SNX29: variants seen among roughly 807,000 people sequenced by gnomAD.
The protein encoded by SNX29 is sorting nexin 29.
A neutral mutation model predicts 102.1 loss-of-function variants in SNX29; 78 were observed. That is an observed-to-expected ratio of 0.76 (90% CI 0.64 to 0.92). The LOEUF is 0.92. Ranked by LOEUF, SNX29 falls within the 40% of genes least tolerant of loss-of-function variation. The pLI is 0.00. For synonymous variants in SNX29, 580 were observed against 414.5 expected, an observed-to-expected ratio of 1.40 and a Z score of -4.85; for missense variants, 1,280 against 1,061.7, an observed-to-expected ratio of 1.21 and a Z score of -2.86.
intron 20 of SNX29, among the ~76,000 whole-genome samples, chr16:12,564,480 C>CGGAGA (rs1567213803): frequency 3.9e-5 from 6 of 152,298 alleles, no homozygotes; most frequent in African/African-American, 1.4e-4. Flanking sequence ...GATCTTTCTC[C>CGGAGA]AAGGTCTAGA....
chr16:12,547,796 G>A (rs1006174426), intron 20 of SNX29, among the ~76,000 whole-genome samples: 2 of 152,160 alleles, frequency 1.3e-5, no homozygotes, highest in African/African-American at 4.8e-5. Context: ...GAACAGAATG[G>A]GCTCAAGAAT....
At chr16:12,229,560 A>G (rs1596566338) in intron 14 of SNX29, among the ~76,000 whole-genome samples, 1 of 148,986 alleles carries the variant, frequency 6.7e-6, no homozygotes. Flanking sequence ...TCTTCCTACC[A>G]TTTTTCATCT....
At chr16:12,411,385 G>A (rs958301629) in intron 18 of SNX29, among the ~76,000 whole-genome samples, 1 of 152,172 alleles carries the variant, frequency 6.6e-6, no homozygotes, top group Non-Finnish European at 1.5e-5. Context: ...CCGGCGTTCT[G>A]AGGATCATAG....
At chr16:12,556,886 T>A (rs1246297090) in intron 20 of SNX29, among the ~76,000 whole-genome samples, 25 of 148,748 alleles carry the variant, frequency 1.7e-4, no homozygotes, top group African/African-American at 6.0e-4. Flanking sequence ...AGGGTCTCCG[T>A]CTGTCTCCTC....
intron 14 of SNX29, among the ~76,000 whole-genome samples, chr16:12,233,322 CA>C (rs1428486895): frequency 6.6e-6 from 1 of 152,132 alleles, no homozygotes; most frequent in Non-Finnish European, 1.5e-5. Context: ...TTATCCTAAG[CA>C]AATTAGTGCC....
chr16:12,348,244 G>A (rs777792617), intron 15 of SNX29, among the ~76,000 whole-genome samples: 10 of 152,170 alleles, frequency 6.6e-5, no homozygotes, highest in Non-Finnish European at 1.5e-4. Flanking sequence ...CTCCTGGAAT[G>A]TCTTCATGCT....
rs1211614472 is a variant in SNX29 at position 12,403,436 on chromosome 16, C to T, written c.1956-12C>T. The stretch of plus-strand genomic sequence containing the variant: ...TGTCTAATGTTGGTCTCTCTCTCTT[C>T]CTTTTGGTTAGATCAAACCGGGCGC... On this transcript the variant is annotated splice_polypyrimidine_tract_variant and intron_variant, in intron 17 of 20. Transcript: ENST00000566228. 3 of 1,599,130 alleles carry T rather than the reference C, an allele frequency of 1.9e-6. No homozygotes were observed. The highest frequency in any genetic ancestry group is 4.5e-5 in the East Asian group (2 of 44,498).
At chr16:12,049,052 C>T (rs2050201566) in intron 7 of SNX29, among the ~76,000 whole-genome samples, 1 of 152,090 alleles carries the variant, frequency 6.6e-6, no homozygotes, top group Non-Finnish European at 1.5e-5. Context: ...ATTTATGATC[C>T]TTAGGATAAA....
intron 18 of SNX29, among the ~76,000 whole-genome samples, chr16:12,473,090 G>T (rs1419162917): frequency 2.0e-5 from 3 of 152,084 alleles, no homozygotes; most frequent in African/African-American, 7.2e-5. Flanking sequence ...AATTTGGAGG[G>T]GAGAGGCTTT....
chr16:12,571,814 C>G lies in SNX29; in HGVS notation c.*3185C>G. Reference sequence around the variant, plus strand: ...TCCTGCAATCAGTGTGAAATTCCAGCTTCTTTGATTCCCACTTAGCAGTAT... The same window carrying G: ...TCCTGCAATCAGTGTGAAATTCCAGGTTCTTTGATTCCCACTTAGCAGTAT... On this transcript the variant is annotated 3_prime_UTR_variant, in exon 21 of 21. Coordinates refer to ENST00000566228, the MANE Select transcript of SNX29 (RefSeq NM_032167.5). The G allele has an allele frequency of 9.7e-7, 1 of 1,031,946 alleles. No individual in the cohort carries two copies. Among genetic ancestry groups the G allele is most frequent in the Non-Finnish European group, 1.2e-6 (1 of 849,948 alleles). 63.9% of individuals were successfully genotyped at this position (1,031,946 alleles called of 1,614,324 possible).
chr16:12,365,645 C>T (rs2082445736), intron 16 of SNX29, among the ~76,000 whole-genome samples: 1 of 150,022 alleles, frequency 6.7e-6, no homozygotes, highest in Admixed American at 6.6e-5. Flanking sequence ...GAGCCGAGAT[C>T]ACGCAACTAC....
chr16:12,560,143 C>CA lies in SNX29; in HGVS notation c.2319-8363_2319-8362insA, dbSNP rs796537371. Among the ~76,000 whole-genome samples the CA allele has an allele frequency of 3.9e-3, 176 of 45,156 alleles. 3 individuals are homozygous for CA. The highest frequency in any genetic ancestry group is 0.011 in the Non-Finnish European group (126 of 11,902). The allele number at this position is 45,156 out of a possible 152,430, so 29.6% of individuals were successfully genotyped here. ...CTAGTTCTGTGTTCCCCTCCCCCCCCCAACAAACAGTAAAGCCTTTCTCAC... is the reference window on the plus strand; with the variant it reads ...CTAGTTCTGTGTTCCCCTCCCCCCCCACAACAAACAGTAAAGCCTTTCTCAC... On this transcript the variant is annotated intron_variant, in intron 20 of 20. Transcript: ENST00000566228.
At chr16:12,564,203 C>G (rs780152562) in intron 20 of SNX29, among the ~76,000 whole-genome samples, 1 of 142,846 alleles carries the variant, frequency 7.0e-6, no homozygotes, top group East Asian at 2.2e-4. Context: ...TCCTGGGCAC[C>G]ATAGGGAGAC....
chr16:12,320,981 G>A (rs1323885872), intron 15 of SNX29, among the ~76,000 whole-genome samples: 1 of 152,186 alleles, frequency 6.6e-6, no homozygotes, highest in Non-Finnish European at 1.5e-5. Flanking sequence ...TGTCCATAGA[G>A]CAAATCAGGA....
intron 16 of SNX29, among the ~76,000 whole-genome samples, chr16:12,396,594 T>TA (rs1427908171): frequency 6.6e-6 from 1 of 152,186 alleles, no homozygotes; most frequent in African/African-American, 2.4e-5. Context: ...CCAGAGAAGA[T>TA]ACTGGCGTCC....
In SNX29 at chr16:12,568,585, C is replaced by A; in HGVS notation, c.2398C>A (p.Pro800Thr). 1 of 1,606,644 alleles carries A rather than the reference C, an allele frequency of 6.2e-7. No homozygotes were observed. The highest frequency in any genetic ancestry group is 1.1e-5 in the South Asian group (1 of 91,074). ...SRFPKLSRGQ[P>T]RETRNVEPQS... ...CTTCCCCAAACTGTCCCGGGGTCAG[C>A]CCCGGGAGACCCGCAACGTGGAGCC... The change falls in exon 21 of 21, where the codon CCC becomes ACC. Residue 800 changes from proline (P) to threonine (T), a missense_variant. Transcript: ENST00000566228.
At chr16:12,121,720 A>C (rs959354706) in intron 11 of SNX29, among the ~76,000 whole-genome samples, 1 of 152,154 alleles carries the variant, frequency 6.6e-6, no homozygotes, top group Middle Eastern at 3.2e-3. Flanking sequence ...GCCTCTGTAC[A>C]TGGCGACAGA....
intron 19 of SNX29, among the ~76,000 whole-genome samples, chr16:12,481,527 CA>C (rs2087926601): frequency 1.0e-5 from 1 of 99,284 alleles, no homozygotes; most frequent in African/African-American, 3.0e-5. Context: ...CACACACACA[CA>C]CACACACACA....
rs2151946938 is a variant in SNX29 at position 12,520,693 on chromosome 16, A to G, written c.2179-4009A>G. ...GCCATTATTCTAAGTGAAGTAACTCAGGAATGGAAAACCGAATCCCGTGTG... is the reference window on the plus strand; with the variant it reads ...GCCATTATTCTAAGTGAAGTAACTCGGGAATGGAAAACCGAATCCCGTGTG... On this transcript the variant is annotated intron_variant, in intron 19 of 20. Coordinates refer to ENST00000566228, the MANE Select transcript of SNX29 (RefSeq NM_032167.5). 2.0e-5 allele frequency among the ~76,000 whole-genome samples: 3 copies of G among 152,366 alleles called. No homozygotes were observed. In the Middle Eastern group the frequency reaches 0.01, roughly 518 times the overall value.
Sources: allele counts gnomAD v4.1 joint callset (sites outside exome capture counted in the v4.1 genomes callset), GRCh38; gene constraint gnomAD v4.1.1; transcripts MANE v1.5; gene names NCBI Gene and HGNC (gene_info 2026-07-23, HGNC 2026-07-21).